The following PARD3 variants were observed in gnomAD, a reference collection of about 807,000 sequenced individuals.
PARD3 encodes par-3 family cell polarity regulator, also known as partitioning defective 3 homolog.
In PARD3, 75 loss-of-function variants were observed where a neutral mutation model predicts 155.4. That is an observed-to-expected ratio of 0.48 (90% confidence interval 0.40 to 0.58). The LOEUF (loss-of-function observed/expected upper bound fraction) is 0.58, where lower values mean the gene tolerates loss of function less well. Ranked by LOEUF, PARD3 falls within the 20% of genes least tolerant of loss-of-function variation. PARD3 has a pLI of 0.00. For missense variants in PARD3, 1,642 were observed against 1,721.7 expected, an observed-to-expected ratio of 0.95 and a Z score of 0.82; for synonymous variants, 576 against 610.5, an observed-to-expected ratio of 0.94 and a Z score of 0.83.
intron 22 of PARD3, among the ~76,000 whole-genome samples, chr10:34,153,039 C>T (rs749695898): frequency 2.4e-4 from 36 of 152,200 alleles, no homozygotes; most frequent in Non-Finnish European, 4.6e-4. Flanking sequence ...CCCAGGGCTA[C>T]TTCAGCTTGG....
intron 14 of PARD3, among the ~76,000 whole-genome samples, chr10:34,353,207 C>A (rs1465919306): frequency 6.6e-6 from 1 of 152,216 alleles, no homozygotes; most frequent in Non-Finnish European, 1.5e-5. Context: ...GCCACCCCGT[C>A]CGGGAGGTGG....
chr10:34,238,241 TGATAACTGG>T (rs1227372824), intron 22 of PARD3, among the ~76,000 whole-genome samples: 1 of 152,214 alleles, frequency 6.6e-6, no homozygotes, highest in African/African-American at 2.4e-5. Flanking sequence ...TCAAAGCTGA[TGATAACTGG>T]CTTTGGCAAC....
chr10:34,161,847 T>A (rs1949298729), intron 22 of PARD3, among the ~76,000 whole-genome samples: 1 of 152,120 alleles, frequency 6.6e-6, no homozygotes, highest in Non-Finnish European at 1.5e-5. Context: ...CCCACTCAAT[T>A]CCATGGCCAT....
chr10:34,405,078 A>AC (rs1491327015), intron 5 of PARD3, among the ~76,000 whole-genome samples: 1,619 of 35,146 alleles, frequency 0.046, 35 homozygotes, highest in African/African-American at 0.2. Flanking sequence ...TCACAAACAC[A>AC]AACACACACA....
At chr10:34,654,011 T>C (rs1370249895) in intron 2 of PARD3, among the ~76,000 whole-genome samples, 3 of 152,136 alleles carry the variant, frequency 2.0e-5, no homozygotes, top group East Asian at 1.9e-4. Flanking sequence ...TATACGTTGC[T>C]TCACATTAAG....
intron 2 of PARD3, among the ~76,000 whole-genome samples, chr10:34,582,379 T>C (rs1228216577): frequency 6.6e-6 from 1 of 152,158 alleles, no homozygotes; most frequent in Non-Finnish European, 1.5e-5. Context: ...CTGAAGACTT[T>C]AGAGATAATG....
At position 34,617,448 on chromosome 10, in the gene PARD3, G is replaced by C. The variant is rs570835494; in HGVS notation, c.222+78870C>G. 7.9e-5 allele frequency among the ~76,000 whole-genome samples: 12 copies of C among 152,192 alleles called. No homozygotes were observed. In the East Asian group the frequency reaches 2.3e-3, roughly 29 times the overall value. Reference sequence around the variant, plus strand: ...GGGTGAAAACAAATACTAATGTATTGTGTATTTTCAAATGGCTGGAAGAGA... The same window carrying C: ...GGGTGAAAACAAATACTAATGTATTCTGTATTTTCAAATGGCTGGAAGAGA... On this transcript the variant is annotated intron_variant, in intron 2 of 24. Coordinates refer to ENST00000374788, the MANE Select transcript of PARD3 (RefSeq NM_001184785.2).
chr10:34,599,408 A>T (rs1345097209), intron 2 of PARD3, among the ~76,000 whole-genome samples: 3 of 152,204 alleles, frequency 2.0e-5, no homozygotes, highest in Admixed American at 2.0e-4. Context: ...GTATATGAAC[A>T]GTTCAATTCC....
At chr10:34,147,347 T>G (rs1354234498) in intron 22 of PARD3, among the ~76,000 whole-genome samples, 1 of 152,142 alleles carries the variant, frequency 6.6e-6, no homozygotes, top group Non-Finnish European at 1.5e-5. Context: ...ATACATGATT[T>G]TAAAATTATA....
intron 2 of PARD3, among the ~76,000 whole-genome samples, chr10:34,609,645 T>C (rs772157594): frequency 6.6e-6 from 1 of 152,184 alleles, no homozygotes; most frequent in Non-Finnish European, 1.5e-5. Flanking sequence ...TGGACTCCAG[T>C]GATCCTCCCG....
chr10:34,734,610 A>C (rs768050025), intron 1 of PARD3, among the ~76,000 whole-genome samples: 1 of 151,998 alleles, frequency 6.6e-6, no homozygotes, highest in Admixed American at 6.6e-5. Context: ...GGGCATTTTT[A>C]AAATAAAAGA....
chr10:34,145,199 ATATATATATATATATATATATATTTTTTT>A (rs1948407182), intron 22 of PARD3, among the ~76,000 whole-genome samples: 2 of 56,256 alleles, frequency 3.6e-5, no homozygotes, highest in African/African-American at 9.5e-5. Context: ...GTATATATAT[ATATATATATATATATATATATATTTTTTT>A]TTTTTTTTTT....
chr10:34,553,283 T>C (rs1189968515), intron 2 of PARD3, among the ~76,000 whole-genome samples: 1 of 152,162 alleles, frequency 6.6e-6, no homozygotes, highest in Non-Finnish European at 1.5e-5. Flanking sequence ...AAAGGAAGGC[T>C]TCCTCCCCAG....
intron 22 of PARD3, among the ~76,000 whole-genome samples, chr10:34,246,687 C>T (rs568393000): frequency 1.3e-5 from 2 of 149,492 alleles, no homozygotes; most frequent in African/African-American, 5.1e-5. Context: ...AGAATAAATA[C>T]CAGGCGGCCG....
chr10:34,368,895 G>A (rs561066637), intron 12 of PARD3, among the ~76,000 whole-genome samples: 84 of 144,894 alleles, frequency 5.8e-4, no homozygotes, highest in African/African-American at 2.1e-3. Flanking sequence ...CTTGACTAAT[G>A]AGATGGCATC....
chr10:34,516,318 G>A (rs2081763427), intron 3 of PARD3, among the ~76,000 whole-genome samples: 1 of 152,106 alleles, frequency 6.6e-6, no homozygotes, highest in South Asian at 2.1e-4. Context: ...CTTAACAACT[G>A]CTCAATTACA....
intron 1 of PARD3, among the ~76,000 whole-genome samples, chr10:34,778,185 C>T (rs139144950): frequency 2.0e-5 from 3 of 152,330 alleles, no homozygotes; most frequent in African/African-American, 7.2e-5. Context: ...TACAAACTCA[C>T]TAAGCTCCAA....
intron 2 of PARD3, among the ~76,000 whole-genome samples, chr10:34,531,593 G>C (rs1159035677): frequency 6.6e-6 from 1 of 152,156 alleles, no homozygotes; most frequent in Non-Finnish European, 1.5e-5. Flanking sequence ...TTTTGTGCCT[G>C]CTGGCATACC....
intron 3 of PARD3, among the ~76,000 whole-genome samples, chr10:34,499,058 G>C (rs2080487063): frequency 6.6e-6 from 1 of 152,232 alleles, no homozygotes; most frequent in South Asian, 2.1e-4. Flanking sequence ...AAGACATACA[G>C]CAGCCAAGTT....
Sources: allele counts gnomAD v4.1 joint callset (sites outside exome capture counted in the v4.1 genomes callset), GRCh38; gene constraint gnomAD v4.1.1; transcripts MANE v1.5; gene names NCBI Gene and HGNC (gene_info 2026-07-23, HGNC 2026-07-21).